The following ODAD2 variants were observed in gnomAD, a reference collection of about 807,000 sequenced individuals.
ODAD2 encodes the protein outer dynein arm docking complex subunit 2, also known as outer dynein arm-docking complex subunit 2.
A neutral mutation model predicts 106.8 loss-of-function variants in ODAD2; 89 were observed. That is an observed-to-expected ratio of 0.83 (90% CI 0.70 to 0.99). The LOEUF (loss-of-function observed/expected upper bound fraction) is 0.99, where lower values mean the gene tolerates loss of function less well. ODAD2 is among the 50% of genes least tolerant of loss of function. The pLI is 0.00. For missense variants in ODAD2, 1,168 were observed against 1,238.5 expected, an observed-to-expected ratio of 0.94 and a Z score of 0.85; for synonymous variants, 404 against 436.2, an observed-to-expected ratio of 0.93 and a Z score of 0.92.
intron 16 of ODAD2, among the ~76,000 whole-genome samples, chr10:27,925,093 G>A (rs1225093467): frequency 1.3e-5 from 2 of 150,834 alleles, no homozygotes; most frequent in South Asian, 4.2e-4. Context: ...AAAAACTACA[G>A]ACCAATATCA....
chr10:27,828,628 T>C (rs1411429378), intron 19 of ODAD2, among the ~76,000 whole-genome samples: 2 of 152,218 alleles, frequency 1.3e-5, no homozygotes, highest in Non-Finnish European at 2.9e-5. Context: ...GTTCATAATT[T>C]AACAAGGAAA....
intron 13 of ODAD2, among the ~76,000 whole-genome samples, chr10:27,940,227 CAT>C (rs1846297197): frequency 1.4e-5 from 2 of 147,104 alleles, no homozygotes; most frequent in Non-Finnish European, 1.5e-5. Context: ...TATATGTCAG[CAT>C]ATATGTGTGA....
chr10:27,851,387 A>G (rs915955728), intron 19 of ODAD2, among the ~76,000 whole-genome samples: 8 of 152,172 alleles, frequency 5.3e-5, no homozygotes, highest in Admixed American at 1.3e-4. Context: ...ATAAAAACCC[A>G]TCACTCAACA....
At position 27,940,601 on chromosome 10, in the gene ODAD2, T is replaced by C. The variant is rs779637564; in HGVS notation, c.1948A>G (p.Ile650Val). 1.3e-5 allele frequency: 21 copies of C among 1,613,940 alleles called. No individual in the cohort carries two copies. In the South Asian group the frequency reaches 2.2e-4, roughly 17 times the overall value. The change falls in exon 13 of 20, where the codon ATT (isoleucine) becomes GTT (valine). Residue 650 changes from isoleucine to valine, a missense_variant. Around this residue, in one of 3 missense-constraint regions of ODAD2, gnomAD observed 701 missense variants for 712.3 expected, o/e 0.98. Coordinates refer to ENST00000305242, the MANE Select transcript of ODAD2 (RefSeq NM_018076.5). ...TCTTGCAATGTCCCCACCACTGGAA[T>C]TAGCATGTTTTCATGAGAAGTCTTC... ...LLKTSHENML[I>V]PVVGTLQECA...
chr10:27,827,259 T>C (rs1237790248), intron 19 of ODAD2, among the ~76,000 whole-genome samples: 1 of 151,912 alleles, frequency 6.6e-6, no homozygotes, highest in Non-Finnish European at 1.5e-5. Context: ...CTCATTTTTT[T>C]GTCTATACAC....
chr10:27,976,349 T>C (rs1200643790), intron 7 of ODAD2, among the ~76,000 whole-genome samples: 1 of 152,002 alleles, frequency 6.6e-6, no homozygotes, highest in Non-Finnish European at 1.5e-5. Context: ...AATATCTACA[T>C]AGAAAACCCT....
chr10:27,907,361 C>T lies in ODAD2; in HGVS notation c.2610+302G>A, dbSNP rs150974197. ...GTAAATGCAGACAAATTTCTTATCC[C>T]TCAAGAGACAAGAACAGTCAACTTG... On this transcript the variant is annotated intron_variant, in intron 17 of 19. Transcript: ENST00000305242. Among the ~76,000 whole-genome samples, 450 of 152,272 alleles carry T rather than the reference C, an allele frequency of 3.0e-3. 2 individuals are homozygous for T. The highest frequency in any genetic ancestry group is 4.4e-3 in the South Asian group (21 of 4,826).
intron 16 of ODAD2, among the ~76,000 whole-genome samples, chr10:27,909,817 G>GAAAAAAAAAAAAAAAAAAAAAA (rs35449629): frequency 1.8e-5 from 1 of 56,370 alleles, no homozygotes; most frequent in Non-Finnish European, 3.3e-5. Context: ...GTCTTCATTT[G>GAAAAAAAAAAAAAAAAAAAAAA]AAAAAAAAAA....
intron 17 of ODAD2, among the ~76,000 whole-genome samples, chr10:27,888,183 T>C (rs1016535539): frequency 6.6e-6 from 1 of 152,150 alleles, no homozygotes; most frequent in Non-Finnish European, 1.5e-5. Flanking sequence ...TACCCAGTAG[T>C]GGTATTGCCA....
chr10:27,820,561 A>C (rs1836521060), intron 19 of ODAD2, among the ~76,000 whole-genome samples: 1 of 151,976 alleles, frequency 6.6e-6, no homozygotes, highest in African/African-American at 2.4e-5. Context: ...GAAAACTTTT[A>C]ATCTAAGCAG....
chr10:27,895,588 C>T (rs1382318614), intron 17 of ODAD2, among the ~76,000 whole-genome samples: 2 of 152,182 alleles, frequency 1.3e-5, no homozygotes, highest in Non-Finnish European at 2.9e-5. Flanking sequence ...CACACCTGAC[C>T]TAAACTTTAA....
rs145526722 is a variant in ODAD2, at chr10:27,860,723, T to G, written c.2923A>C (p.Asn975His). ...GTCGCCCGATGCACGTTGGTGTCAT[T>G]TGATTTCAGATAACGCACTAGTGGA... ...VAPLVRYLKSNDTNVHRATAQ... is the reference protein window; with the variant it reads ...VAPLVRYLKSHDTNVHRATAQ... The change falls in exon 19 of 20, where the codon AAT becomes CAT. Residue 975 changes from asparagine to histidine, a missense_variant. Coordinates refer to ENST00000305242, the MANE Select transcript of ODAD2 (RefSeq NM_018076.5). 1.2e-6 allele frequency: 2 copies of G among 1,614,084 alleles called. No individual in the cohort carries two copies. Among genetic ancestry groups the G allele is most frequent in the East Asian group, 4.5e-5 (2 of 44,890 alleles).
chr10:27,991,256 C>T (rs1850219378), intron 2 of ODAD2, among the ~76,000 whole-genome samples: 1 of 152,026 alleles, frequency 6.6e-6, no homozygotes, highest in African/African-American at 2.4e-5. Flanking sequence ...ATTTGACCCC[C>T]AGCCCCCACC....
At position 27,998,988 on chromosome 10, in the gene ODAD2, C is replaced by A; in HGVS notation, c.-39+6G>T. 1 of 154,704 alleles carries A rather than the reference C, an allele frequency of 6.5e-6. No homozygotes were observed. The highest frequency in any genetic ancestry group is 1.8e-4 in the South Asian group (1 of 5,432). The allele number at this position is 154,704 out of a possible 1,614,324, so 9.6% of individuals were successfully genotyped here. A position where few individuals can be genotyped will look rare whatever the true frequency, so the allele number is the denominator to read the frequency against. ...ACCCGGCCGCGACCGCAGCCCAGTC[C>A]GTTACCCTGGTCTCGGGACCTCCGC... On this transcript the variant is annotated splice_donor_region_variant and intron_variant, in intron 1 of 19. Coordinates refer to ENST00000305242, the MANE Select transcript of ODAD2 (RefSeq NM_018076.5).
At chr10:27,960,948 G>GCAAATTC (rs1848094707) in intron 10 of ODAD2, among the ~76,000 whole-genome samples, 1 of 152,098 alleles carries the variant, frequency 6.6e-6, no homozygotes, top group Admixed American at 6.5e-5. Flanking sequence ...CATTCCCCTT[G>GCAAATTC]CCCTCCTGCA....
intron 16 of ODAD2, among the ~76,000 whole-genome samples, chr10:27,932,762 T>A (rs1845700786): frequency 6.6e-6 from 1 of 152,182 alleles, no homozygotes; most frequent in African/African-American, 2.4e-5. Context: ...AGTCACTCTT[T>A]CAATCACACT....
intron 10 of ODAD2, among the ~76,000 whole-genome samples, chr10:27,959,582 T>C (rs1162270169): frequency 2.0e-5 from 3 of 152,130 alleles, no homozygotes; most frequent in Non-Finnish European, 4.4e-5. Context: ...CAAAGGGAAG[T>C]GCAGGAGCAT....
chr10:27,903,786 A>AT (rs1383662630), intron 17 of ODAD2, among the ~76,000 whole-genome samples: 6 of 152,120 alleles, frequency 3.9e-5, no homozygotes, highest in Non-Finnish European at 8.8e-5. Context: ...CTGAGGCCCC[A>AT]CCAATACATG....
intron 8 of ODAD2, 147 bp from the exon 9 acceptor site, chr10:27,969,165 A>T (rs1325981484): frequency 6.7e-6 from 4 of 601,306 alleles, no homozygotes; most frequent in Non-Finnish European, 1.2e-5. Context: ...TCATTCTGAC[A>T]CTCGGAGCTG....
Sources: allele counts gnomAD v4.1 joint callset (sites outside exome capture counted in the v4.1 genomes callset), GRCh38; gene constraint gnomAD v4.1.1; regional missense constraint gnomAD v4.1.1; transcripts MANE v1.5; gene names NCBI Gene and HGNC (gene_info 2026-07-23, HGNC 2026-07-21).